The following CCDC60 variants were observed in gnomAD, a reference collection of about 807,000 sequenced individuals.
CCDC60 encodes the protein coiled-coil domain-containing protein 60.
Under a neutral mutation model 63.5 loss-of-function variants are expected in CCDC60, and 54 were observed. The observed-to-expected ratio is 0.85, with a 90% CI of 0.68 to 1.07. The LOEUF (loss-of-function observed/expected upper bound fraction) is 1.07. Ranked by LOEUF, CCDC60 falls within the 50% of genes least tolerant of loss-of-function variation. The probability of loss-of-function intolerance (pLI) is 0.00; values close to 1 mark genes in which losing one functional copy is unlikely to be tolerated. For missense variants in CCDC60, 651 were observed against 684.3 expected (o/e 0.95, Z 0.54); for synonymous variants, 206 against 238.8 (o/e 0.86, Z 1.27).
intron 1 of CCDC60, among the ~76,000 whole-genome samples, chr12:119,395,206 C>T (rs139006376): frequency 1.3e-5 from 2 of 152,174 alleles, no homozygotes; most frequent in Non-Finnish European, 2.9e-5. Flanking sequence ...AGAATTGAGG[C>T]TTTCCTTTGT....
At chr12:119,401,367 C>T (rs1956388940) in intron 1 of CCDC60, among the ~76,000 whole-genome samples, 1 of 152,242 alleles carries the variant, frequency 6.6e-6, no homozygotes, top group Admixed American at 6.5e-5. Flanking sequence ...TCTGTCCATC[C>T]ATCCATCCTT....
At chr12:119,454,958 C>T (rs1386848589) in intron 2 of CCDC60, among the ~76,000 whole-genome samples, 2 of 152,116 alleles carry the variant, frequency 1.3e-5, no homozygotes, top group Non-Finnish European at 2.9e-5. Context: ...CTTCAGGCAA[C>T]AGAAAGGAAC....
intron 1 of CCDC60, among the ~76,000 whole-genome samples, chr12:119,401,901 G>A (rs570525334): frequency 3.3e-4 from 51 of 152,282 alleles, no homozygotes; most frequent in African/African-American, 1.2e-3. Context: ...GTGGTCATGT[G>A]GCAGATCACC....
At chr12:119,501,753 G>A (rs577894962) in intron 6 of CCDC60, among the ~76,000 whole-genome samples, 1 of 152,284 alleles carries the variant, frequency 6.6e-6, no homozygotes, top group Admixed American at 6.5e-5. Flanking sequence ...CACTAAAATT[G>A]GAGGAGGGGA....
intron 5 of CCDC60, among the ~76,000 whole-genome samples, chr12:119,495,692 C>CT (rs954269238): frequency 1.3e-5 from 2 of 152,090 alleles, no homozygotes; most frequent in African/African-American, 4.8e-5. Flanking sequence ...TGTGGTACTC[C>CT]TCCCCCCACA....
chr12:119,441,761 G>A (rs964695663), intron 2 of CCDC60, among the ~76,000 whole-genome samples: 8 of 152,122 alleles, frequency 5.3e-5, no homozygotes, highest in African/African-American at 1.2e-4. Context: ...TATTTATTGC[G>A]TGAGGATAGC....
chr12:119,359,687 G>A (rs537487921), intron 1 of CCDC60, among the ~76,000 whole-genome samples: 2,613 of 149,674 alleles, frequency 0.017, 69 homozygotes, highest in African/African-American at 0.06. Context: ...GCGGCCTTCC[G>A]CAGCGTTTGT....
intron 13 of CCDC60, among the ~76,000 whole-genome samples, chr12:119,532,239 T>A (rs1336376883): frequency 6.6e-6 from 1 of 152,062 alleles, no homozygotes; most frequent in Non-Finnish European, 1.5e-5. Context: ...AGTTATGGGG[T>A]CCAACTTCCA....
intron 1 of CCDC60, among the ~76,000 whole-genome samples, chr12:119,412,913 G>A (rs1956630778): frequency 6.6e-6 from 1 of 152,072 alleles, no homozygotes; most frequent in African/African-American, 2.4e-5. Context: ...ATGACTACTC[G>A]TGGGTAGATT....
chr12:119,352,634 G>A (rs1364890260), intron 1 of CCDC60, among the ~76,000 whole-genome samples: 2 of 152,090 alleles, frequency 1.3e-5, no homozygotes, highest in Non-Finnish European at 2.9e-5. Context: ...TCATTCTCAA[G>A]TTTCTCAAAT....
chr12:119,372,896 G>A (rs10774493), intron 1 of CCDC60, among the ~76,000 whole-genome samples: 1 of 151,986 alleles, frequency 6.6e-6, no homozygotes, highest in Non-Finnish European at 1.5e-5. Context: ...CTAACAAGGC[G>A]TTTCAAAAGC....
chr12:119,507,058 C>T (rs902708367), intron 7 of CCDC60, among the ~76,000 whole-genome samples: 3 of 152,150 alleles, frequency 2.0e-5, no homozygotes, highest in South Asian at 2.1e-4. Context: ...TGAGACAACA[C>T]TGGCGGCCAG....
intron 2 of CCDC60, among the ~76,000 whole-genome samples, chr12:119,463,068 C>G (rs1950888516): frequency 6.6e-6 from 1 of 152,204 alleles, no homozygotes; most frequent in Non-Finnish European, 1.5e-5. Flanking sequence ...AAGTGATCCA[C>G]CCGCCTTGGC....
chr12:119,376,349 C>T (rs181688019), intron 1 of CCDC60, among the ~76,000 whole-genome samples: 8 of 152,220 alleles, frequency 5.3e-5, no homozygotes, highest in African/African-American at 1.4e-4. Context: ...GAAACAGGGC[C>T]GAGGGCAGTG....
rs2239902 is a variant in CCDC60 at position 119,496,825 on chromosome 12, T to C, written c.558-3253T>C. On this transcript the variant is annotated intron_variant, in intron 5 of 13. Transcript: ENST00000327554. Reference sequence around the variant, plus strand: ...TATTGTTAAATTCACTCTTAACCACTAAGATAACACTTTCCTGGCCTTGAT... The same window carrying C: ...TATTGTTAAATTCACTCTTAACCACCAAGATAACACTTTCCTGGCCTTGAT... Among the ~76,000 whole-genome samples, 1,389 of 152,280 alleles carry C rather than the reference T, an allele frequency of 9.1e-3. 62 individuals carry two copies. The East Asian group carries it at 0.12, about 14-fold the overall frequency.
At chr12:119,434,021 AG>A (rs1950282195) in intron 2 of CCDC60, among the ~76,000 whole-genome samples, 1 of 152,220 alleles carries the variant, frequency 6.6e-6, no homozygotes, top group South Asian at 2.1e-4. Flanking sequence ...GAATGTTTTA[AG>A]GAAAATAAAC....
At chr12:119,380,165 A>G (rs1009063225) in intron 1 of CCDC60, among the ~76,000 whole-genome samples, 7 of 152,224 alleles carry the variant, frequency 4.6e-5, no homozygotes, top group African/African-American at 1.7e-4. Flanking sequence ...ATTAGATATA[A>G]ATCCCTTGGA....
At chr12:119,535,541 G>A (rs899093929) in intron 13 of CCDC60, among the ~76,000 whole-genome samples, 1 of 152,118 alleles carries the variant, frequency 6.6e-6, no homozygotes, top group African/African-American at 2.4e-5. Context: ...GCCTTCTCTT[G>A]TGGGCATTTA....
chr12:119,392,358 C>A (rs987348247), intron 1 of CCDC60, among the ~76,000 whole-genome samples: 5 of 152,216 alleles, frequency 3.3e-5, no homozygotes, highest in African/African-American at 1.2e-4. Context: ...ACTCTCTTCA[C>A]CTCTGCTGTG....
Sources: gnomAD v4.1 joint callset for allele counts (sites outside exome capture counted in the v4.1 genomes callset) on GRCh38, gnomAD v4.1.1 for gene constraint, MANE v1.5 for transcripts, NCBI Gene and HGNC (gene_info 2026-07-23, HGNC 2026-07-21) for gene names.